Variants in CYSLTR2 observed in about 807,000 individuals in gnomAD.
The protein encoded by CYSLTR2 is G-protein coupled receptor GPCR21.
For synonymous variants in CYSLTR2, 179 were observed against 160.8 expected (o/e 1.11, Z -0.86); for missense variants, 398 against 411.9 (o/e 0.97, Z 0.29).
intron 4 of CYSLTR2, among the ~76,000 whole-genome samples, chr13:48,698,785 T>G (rs919431685): frequency 2.0e-5 from 3 of 152,068 alleles, no homozygotes; most frequent in Non-Finnish European, 4.4e-5. Flanking sequence ...CCACCTCACA[T>G]GCAGAAACAC....
intron 1 of CYSLTR2, among the ~76,000 whole-genome samples, chr13:48,676,055 G>A (rs1431016903): frequency 1.3e-5 from 2 of 152,176 alleles, no homozygotes; most frequent in Non-Finnish European, 2.9e-5. Flanking sequence ...TTCTGCATTG[G>A]TCTTACTGGG....
chr13:48,703,106 AAT>A (rs1320388848), intron 4 of CYSLTR2, among the ~76,000 whole-genome samples: 1 of 152,114 alleles, frequency 6.6e-6, no homozygotes, highest in African/African-American at 2.4e-5. Context: ...TAGTTTATAA[AAT>A]ATAATATATT....
At chr13:48,696,895 C>T (rs181273626) in intron 4 of CYSLTR2, among the ~76,000 whole-genome samples, 5 of 152,284 alleles carry the variant, frequency 3.3e-5, no homozygotes, top group East Asian at 1.9e-4. Flanking sequence ...CCCACGCCCA[C>T]GGAGCCTCGC....
chr13:48,690,307 G>C (rs532510664), intron 1 of CYSLTR2, among the ~76,000 whole-genome samples: 2 of 152,268 alleles, frequency 1.3e-5, no homozygotes, highest in South Asian at 4.1e-4. Context: ...GGAGTGGTGA[G>C]AGAGGGCATC....
At chr13:48,679,338 T>C (rs1161089028) in intron 1 of CYSLTR2, among the ~76,000 whole-genome samples, 6 of 152,148 alleles carry the variant, frequency 3.9e-5, no homozygotes, top group Non-Finnish European at 1.5e-5. Context: ...CTCATAGAGC[T>C]TTGTCCTGTT....
intron 1 of CYSLTR2, among the ~76,000 whole-genome samples, chr13:48,664,972 G>A (rs1346023023): frequency 6.6e-6 from 1 of 151,842 alleles, no homozygotes; most frequent in African/African-American, 2.4e-5. Context: ...TCTTAACACT[G>A]CTTTTGCTGT....
chr13:48,669,791 C>G (rs1402979352), intron 1 of CYSLTR2, among the ~76,000 whole-genome samples: 2 of 152,208 alleles, frequency 1.3e-5, no homozygotes, highest in African/African-American at 4.8e-5. Context: ...GGGTATATAC[C>G]CAGTAATGGG....
chr13:48,685,365 C>T (rs1953870569), intron 1 of CYSLTR2, among the ~76,000 whole-genome samples: 1 of 152,172 alleles, frequency 6.6e-6, no homozygotes, highest in African/African-American at 2.4e-5. Context: ...GATTCAATCA[C>T]CTCCCACCAG....
At chr13:48,667,460 G>T (rs1953294963) in intron 1 of CYSLTR2, among the ~76,000 whole-genome samples, 1 of 152,196 alleles carries the variant, frequency 6.6e-6, no homozygotes, top group Non-Finnish European at 1.5e-5. Context: ...TAGCTGCTTG[G>T]ATGGCCTGAG....
chr13:48,662,480 CAT>C (rs1244596927), intron 1 of CYSLTR2, among the ~76,000 whole-genome samples: 2 of 152,148 alleles, frequency 1.3e-5, no homozygotes, highest in African/African-American at 4.8e-5. Flanking sequence ...ACCAACAACA[CAT>C]GAGTTCCCTT....
At chr13:48,659,812 G>A (rs1367346230) in intron 1 of CYSLTR2, among the ~76,000 whole-genome samples, 3 of 152,140 alleles carry the variant, frequency 2.0e-5, no homozygotes, top group Non-Finnish European at 2.9e-5. Flanking sequence ...AATAGATACC[G>A]CCAACCTTTC....
chr13:48,694,063 C>T (rs1258503776), intron 3 of CYSLTR2, among the ~76,000 whole-genome samples: 1 of 152,150 alleles, frequency 6.6e-6, no homozygotes, highest in Non-Finnish European at 1.5e-5. Context: ...TTGAGTGGAG[C>T]CCATCAGAGA....
At chr13:48,691,156 G>A (rs528170015) in intron 1 of CYSLTR2, 56 bp from the exon 2 acceptor site, 1 of 152,116 alleles carries the variant, frequency 6.6e-6, no homozygotes, top group South Asian at 2.1e-4. Context: ...CAAAGTCAGT[G>A]ATAGCATATC....
At position 48,707,535 on chromosome 13, in the gene CYSLTR2, GT is replaced by G; in HGVS notation, c.721del (p.Ser241LeufsTer6). On this transcript the variant is annotated frameshift_variant, in exon 5 of 5. Transcript: ENST00000682523. LOFTEE classifies it low-confidence loss of function (END_TRUNC). ...KVEVPESGLR[V>X]SHRKALTTII... Reference sequence around the variant, plus strand: ...GGAGGTCCCAGAATCGGGGCTGCGGGTTTCTCACAGGAAGGCACTGACCACC... The same window carrying G: ...GGAGGTCCCAGAATCGGGGCTGCGGGTTCTCACAGGAAGGCACTGACCACC... 1 of 1,608,812 alleles carries G rather than the reference GT, an allele frequency of 6.2e-7. No individual in the cohort carries two copies.
At chr13:48,682,071 T>C (rs1953770720) in intron 1 of CYSLTR2, among the ~76,000 whole-genome samples, 1 of 152,154 alleles carries the variant, frequency 6.6e-6, no homozygotes, top group African/African-American at 2.4e-5. Context: ...ACTGATTCCA[T>C]ATCAGCCTTA....
chr13:48,695,308 T>G (rs1004452574), intron 3 of CYSLTR2, among the ~76,000 whole-genome samples: 1 of 151,468 alleles, frequency 6.6e-6, no homozygotes, highest in Non-Finnish European at 1.5e-5. Context: ...TTCTTCTTTC[T>G]TTCTCTCTCT....
chr13:48,704,940 T>C (rs1954442913), intron 4 of CYSLTR2, among the ~76,000 whole-genome samples: 1 of 152,248 alleles, frequency 6.6e-6, no homozygotes, highest in Non-Finnish European at 1.5e-5. Context: ...AAGTGTTTTA[T>C]ACATGTCAAT....
chr13:48,660,567 C>T (rs1953103114), intron 1 of CYSLTR2, among the ~76,000 whole-genome samples: 1 of 152,162 alleles, frequency 6.6e-6, no homozygotes, highest in African/African-American at 2.4e-5. Flanking sequence ...CCCTCCATCC[C>T]ACTTCCTCTG....
intron 1 of CYSLTR2, among the ~76,000 whole-genome samples, chr13:48,661,111 T>C (rs748880108): frequency 4.6e-5 from 7 of 151,830 alleles, no homozygotes; most frequent in Non-Finnish European, 8.8e-5. Flanking sequence ...AAATTAATCT[T>C]TTTTTTTAAT....
Sources: gnomAD v4.1 joint callset for allele counts (sites outside exome capture counted in the v4.1 genomes callset) on GRCh38, gnomAD v4.1.1 for gene constraint, MANE v1.5 for transcripts, NCBI Gene and HGNC (gene_info 2026-07-23, HGNC 2026-07-21) for gene names.